The following LMAN2L variants were observed in gnomAD, a reference collection of about 807,000 sequenced individuals.
The protein encoded by LMAN2L is VIP36-like protein.
In LMAN2L, 30 loss-of-function variants were observed where a neutral mutation model predicts 44.3. The ratio of observed to expected loss-of-function variants is 0.68; its 90% confidence interval spans 0.51 to 0.92. The LOEUF is 0.92. Ranked by LOEUF, LMAN2L falls within the 40% of genes least tolerant of loss-of-function variation. The pLI, the probability that LMAN2L is intolerant of heterozygous loss-of-function variation, is 0.00. For missense variants in LMAN2L, 429 were observed against 446.1 expected (o/e 0.96, Z 0.35); for synonymous variants, 183 against 171.1 (o/e 1.07, Z -0.54).
At chr2:96,718,459 GT>G (rs1167568152) in intron 4 of LMAN2L, among the ~76,000 whole-genome samples, 1 of 151,992 alleles carries the variant, frequency 6.6e-6, no homozygotes, top group Non-Finnish European at 1.5e-5. Context: ...GTACGCTTTT[GT>G]TTTTTCAGCA....
rs914907994 is a variant in LMAN2L, at chr2:96,714,949, G to GT, written c.508-2925dup. On this transcript the variant is annotated intron_variant, in intron 4 of 7. Coordinates refer to ENST00000264963, the MANE Select transcript of LMAN2L (RefSeq NM_030805.4). ...TGGGGTGCAGGATTGTTTTTTGTTT[G>GT]TTTTTTTGAGATGGAGTCTCACTCT... is the stretch of plus-strand genomic sequence containing the variant. Among the ~76,000 whole-genome samples, 9 of 152,104 alleles carry GT rather than the reference G, an allele frequency of 5.9e-5. No individual in the cohort carries two copies. In the South Asian group the frequency reaches 1.5e-3, roughly 25 times the overall value.
In LMAN2L at chr2:96,706,552, C is replaced by T. The variant is rs2077785392; in HGVS notation, c.*704G>A. The stretch of plus-strand genomic sequence containing the variant: ...GAGACTTGATTGGGAAGGCCATGGA[C>T]ATGCCAATAGACCCAAGACCCATGC... On this transcript the variant is annotated 3_prime_UTR_variant, in exon 8 of 8. Coordinates refer to ENST00000264963, the MANE Select transcript of LMAN2L (RefSeq NM_030805.4). The T allele has an allele frequency of 6.6e-6, 1 of 152,262 alleles. No homozygotes were observed. The highest frequency in any genetic ancestry group is 1.5e-5 in the Non-Finnish European group (1 of 68,080). The allele number at this position is 152,262 out of a possible 1,614,324, so 9.4% of individuals were successfully genotyped here.
intron 1 of LMAN2L, among the ~76,000 whole-genome samples, chr2:96,738,447 G>A (rs2078561515): frequency 6.6e-6 from 1 of 152,158 alleles, no homozygotes; most frequent in Non-Finnish European, 1.5e-5. Context: ...GAGATGATGT[G>A]GAGGGAGGGC....
chr2:96,721,114 T>C (rs1574010710), intron 4 of LMAN2L, among the ~76,000 whole-genome samples: 1 of 152,042 alleles, frequency 6.6e-6, no homozygotes, highest in Non-Finnish European at 1.5e-5. Flanking sequence ...TGCCCACTAG[T>C]AGTCACTCTC....
intron 4 of LMAN2L, among the ~76,000 whole-genome samples, chr2:96,723,885 G>A (rs183997658): frequency 3.7e-4 from 56 of 152,068 alleles, no homozygotes; most frequent in Non-Finnish European, 6.8e-4. Flanking sequence ...TCAGGAGATC[G>A]AGACCATCCT....
chr2:96,740,003 T>A lies in LMAN2L; in HGVS notation c.38A>T (p.Gln13Leu), dbSNP rs771943070. 7 of 1,613,506 alleles carry A rather than the reference T, an allele frequency of 4.3e-6. No individual in the cohort carries two copies. Among genetic ancestry groups the A allele is most frequent in the Non-Finnish European group, 5.9e-6 (7 of 1,179,990 alleles). Residue 13 changes from glutamine (Q) to leucine (L), a missense_variant, in exon 1 of 8, where the codon CAG (glutamine) becomes CTG (leucine). By Grantham distance (113) the Gln-to-Leu change is moderately radical. Coordinates refer to ENST00000264963, the MANE Select transcript of LMAN2L (RefSeq NM_030805.4). The part of the protein sequence containing the change: ...ATLGPLGSWQ[Q>L]WRRCLSARDG... ...CCGAGCCGACAAACATCGCCGCCAC[T>A]GCTGCCACGACCCAAGGGGTCCCAG...
At chr2:96,734,863 T>G (rs1574030096) in intron 2 of LMAN2L, among the ~76,000 whole-genome samples, 1 of 152,172 alleles carries the variant, frequency 6.6e-6, no homozygotes, top group Non-Finnish European at 1.5e-5. Context: ...TAGCTCGGCT[T>G]TTAGAGTACA....
At chr2:96,739,829 G>A in intron 1 of LMAN2L, 25 bp downstream of exon 1, 2 of 1,609,628 alleles carry the variant, frequency 1.2e-6, no homozygotes, top group Non-Finnish European at 1.7e-6. Flanking sequence ...CCCACTGCAC[G>A]ACCACCTCAC....
chr2:96,723,001 C>G lies in LMAN2L; in HGVS notation c.507+10518G>C, dbSNP rs945303595. 2.0e-5 allele frequency among the ~76,000 whole-genome samples: 3 copies of G among 151,500 alleles called. 1 individual carries two copies. The highest frequency in any genetic ancestry group is 7.3e-5 in the African/African-American group (3 of 41,186). On this transcript the variant is annotated intron_variant, in intron 4 of 7. Transcript: ENST00000264963. ...CGCCACTGCACTTCATACTGGGCAA[C>G]AGAGCAAGACTCCATCTCAAAAAAA...
intron 4 of LMAN2L, among the ~76,000 whole-genome samples, chr2:96,732,199 GA>G (rs1253489441): frequency 6.6e-6 from 1 of 151,410 alleles, no homozygotes; most frequent in Non-Finnish European, 1.5e-5. Flanking sequence ...AACCTTTGAG[GA>G]AAAAAATAAT....
Position 96,713,127 on chromosome 2 carries a change from G to A in LMAN2L, c.508-1102C>T, listed in dbSNP as rs758530620. On this transcript the variant is annotated intron_variant, in intron 4 of 7. Transcript: ENST00000264963. ...AGTACCTGGACTCCTGGAGAATATCGCCTCTTCTGGGCCTGAGAGGGTCCA... is the reference window on the plus strand; with the variant it reads ...AGTACCTGGACTCCTGGAGAATATCACCTCTTCTGGGCCTGAGAGGGTCCA... 13 of 1,551,300 alleles carry A rather than the reference G, an allele frequency of 8.4e-6. No individual in the cohort carries two copies. The highest frequency in any genetic ancestry group is 4.9e-5 in the East Asian group (2 of 40,918).
At chr2:96,721,507 A>C (rs1192942610) in intron 4 of LMAN2L, among the ~76,000 whole-genome samples, 8 of 148,712 alleles carry the variant, frequency 5.4e-5, no homozygotes, top group African/African-American at 1.7e-4. Flanking sequence ...AATTACTCCT[A>C]CTTTGTTTTT....
intron 2 of LMAN2L, 126 bp from the exon 3 acceptor site, chr2:96,734,652 A>T: frequency 1.5e-6 from 1 of 660,778 alleles, no homozygotes; most frequent in Admixed American, 2.4e-5. Context: ...GTTAAAACTT[A>T]AATCTAAGAC....
chr2:96,710,158 A>G (rs1345158914), intron 6 of LMAN2L, among the ~76,000 whole-genome samples: 2 of 152,198 alleles, frequency 1.3e-5, no homozygotes, highest in Admixed American at 1.3e-4. Flanking sequence ...CTGGAATCCA[A>G]GAAGGGGAGG....
intron 4 of LMAN2L, among the ~76,000 whole-genome samples, chr2:96,722,051 T>C (rs1292791234): frequency 6.6e-6 from 1 of 151,984 alleles, no homozygotes; most frequent in Non-Finnish European, 1.5e-5. Context: ...CACTGCAAGC[T>C]CCGCCTGCCA....
chr2:96,722,631 A>C (rs2078182935), intron 4 of LMAN2L, among the ~76,000 whole-genome samples: 1 of 152,192 alleles, frequency 6.6e-6, no homozygotes, highest in South Asian at 2.1e-4. Flanking sequence ...GGTTCCTAAC[A>C]GGTTGGGGAC....
chr2:96,717,535 A>G (rs1394700481), intron 4 of LMAN2L, among the ~76,000 whole-genome samples: 58 of 59,782 alleles, frequency 9.7e-4, no homozygotes, highest in African/African-American at 5.7e-3. Flanking sequence ...CTGTGTCGGA[A>G]AAAAAAAAAA....
chr2:96,739,103 A>T (rs2078579944), intron 1 of LMAN2L, among the ~76,000 whole-genome samples: 1 of 152,198 alleles, frequency 6.6e-6, no homozygotes, highest in Non-Finnish European at 1.5e-5. Flanking sequence ...TCACCTATAA[A>T]CTTCTTTAAG....
chr2:96,713,721 A>G (rs2077977641), intron 4 of LMAN2L, among the ~76,000 whole-genome samples: 1 of 152,212 alleles, frequency 6.6e-6, no homozygotes, highest in Non-Finnish European at 1.5e-5. Context: ...TTACCCTCTA[A>G]CTGAGCCTTA....
Sources: gnomAD v4.1 joint callset for allele counts (sites outside exome capture counted in the v4.1 genomes callset) on GRCh38, gnomAD v4.1.1 for gene constraint, MANE v1.5 for transcripts, NCBI Gene and HGNC (gene_info 2026-07-23, HGNC 2026-07-21) for gene names.